The following CWF19L2 variants were observed in gnomAD, a reference collection of about 807,000 sequenced individuals.
The protein encoded by CWF19L2 is CWF19-like protein 2.
A neutral mutation model predicts 111.7 loss-of-function variants in CWF19L2; 98 were observed. That is an observed-to-expected ratio of 0.88 (90% CI 0.75 to 1.04). The LOEUF (loss-of-function observed/expected upper bound fraction) is 1.04. Among genes scored for constraint, CWF19L2 ranks in the 50% least tolerant of loss-of-function variants. The pLI is 0.00. For synonymous variants in CWF19L2, 351 were observed against 342.9 expected (o/e 1.02, Z -0.26); for missense variants, 1,101 against 1,051.4 (o/e 1.05, Z -0.65).
rs773881752 is a variant in CWF19L2 at position 107,390,051 on chromosome 11, G to A, written c.1872+23C>T. 5 of 1,603,910 alleles carry A rather than the reference G, an allele frequency of 3.1e-6. No individual in the cohort carries two copies. The African/African-American group carries it at 6.7e-5, about 22-fold the overall frequency. ...AATAATCAGCTTCTCAAAATTCAGA[G>A]GTATCCTAGGAATATATCTTACCTT... On this transcript the variant is annotated intron_variant, in intron 12 of 17. Transcript: ENST00000282251.
chr11:107,417,585 A>G (rs995287582), intron 9 of CWF19L2, among the ~76,000 whole-genome samples: 1 of 152,242 alleles, frequency 6.6e-6, no homozygotes, highest in Non-Finnish European at 1.5e-5. Flanking sequence ...TGACATCTTT[A>G]TCTCCCTTAA....
intron 12 of CWF19L2, among the ~76,000 whole-genome samples, chr11:107,358,508 A>G (rs1406421451): frequency 6.6e-6 from 1 of 152,230 alleles, no homozygotes; most frequent in Non-Finnish European, 1.5e-5. Flanking sequence ...ATGTAGTATT[A>G]TTTAGCCATA....
chr11:107,428,719 T>A (rs1435685629), intron 8 of CWF19L2, 80 bp downstream of exon 8: 1 of 1,096,350 alleles, frequency 9.1e-7, no homozygotes, highest in Non-Finnish European at 1.3e-6. Flanking sequence ...TCACAGCTAA[T>A]AACTGATGTT....
chr11:107,436,802 A>C (rs1861547154), intron 6 of CWF19L2, among the ~76,000 whole-genome samples: 1 of 152,222 alleles, frequency 6.6e-6, no homozygotes, highest in Non-Finnish European at 1.5e-5. Context: ...CCTGGGTTCT[A>C]GTACTACTAA....
chr11:107,353,690 A>C lies in CWF19L2; in HGVS notation c.1919T>G (p.Phe640Cys), dbSNP rs765870282. ...DGDYYTLDDMFVSKAAERERL... is the reference protein window; with the variant it reads ...DGDYYTLDDMCVSKAAERERL... ...TTCTCTCTCAGCTGCTTTGGAGACA[A>C]ACATGTCATCCAGGGTGTAATAGTC... is the stretch of plus-strand genomic sequence containing the variant. Residue 640 changes from phenylalanine to cysteine, a missense_variant, in exon 13 of 18, where the codon TTT (phenylalanine) becomes TGT (cysteine). By Grantham distance (205) the Phe-to-Cys change is radical. Coordinates refer to ENST00000282251, the MANE Select transcript of CWF19L2 (RefSeq NM_152434.3). 4 of 1,613,772 alleles carry C rather than the reference A, an allele frequency of 2.5e-6. No homozygotes were observed. The highest frequency in any genetic ancestry group is 3.4e-6 in the Non-Finnish European group (4 of 1,179,768).
In CWF19L2 at chr11:107,370,048, T is replaced by A. The variant is rs1306851311; in HGVS notation, c.1873-16312A>T. 1.5e-5 allele frequency among the ~76,000 whole-genome samples: 2 copies of A among 137,590 alleles called. 1 individual carries two copies. The highest frequency in any genetic ancestry group is 3.1e-5 in the Non-Finnish European group (2 of 64,200). The allele number at this position is 137,590 out of a possible 152,430, so 90.3% of individuals were successfully genotyped here. A position where few individuals can be genotyped will look rare whatever the true frequency, so the allele number is the denominator to read the frequency against. On this transcript the variant is annotated intron_variant, in intron 12 of 17. Transcript: ENST00000282251. The stretch of plus-strand genomic sequence containing the variant: ...TATTGACATAACTACCAAATAAGCA[T>A]CCAACAAAGTCAACAGTCCTTTGAC...
intron 4 of CWF19L2, among the ~76,000 whole-genome samples, chr11:107,442,189 G>A (rs1461884094): frequency 1.3e-5 from 2 of 152,130 alleles, no homozygotes; most frequent in Non-Finnish European, 2.9e-5. Context: ...AAGCCTCTAA[G>A]GAACGAGAAT....
chr11:107,434,717 A>G (rs1285321144), intron 6 of CWF19L2, among the ~76,000 whole-genome samples: 1 of 151,656 alleles, frequency 6.6e-6, no homozygotes, highest in Admixed American at 6.6e-5. Context: ...ATACAACAAT[A>G]TGGATGAATC....
At chr11:107,392,424 A>G (rs503045) in intron 11 of CWF19L2, among the ~76,000 whole-genome samples, 81,797 of 151,988 alleles carry the variant, frequency 0.54, 23,080 homozygotes, top group African/African-American at 0.72. Context: ...CCAGGTCTCA[A>G]GTTAGCTGTC....
intron 12 of CWF19L2, among the ~76,000 whole-genome samples, chr11:107,359,927 G>A (rs1860298223): frequency 6.6e-6 from 1 of 152,226 alleles, no homozygotes; most frequent in South Asian, 2.1e-4. Context: ...AATTGGATTG[G>A]ACTACACAAC....
At chr11:107,421,945 C>T (rs1461099092) in intron 8 of CWF19L2, among the ~76,000 whole-genome samples, 4 of 152,002 alleles carry the variant, frequency 2.6e-5, no homozygotes, top group African/African-American at 9.7e-5. Context: ...ATAGCCAAAA[C>T]GTGGAAACAA....
At chr11:107,340,515 TA>T (rs1455508903) in intron 14 of CWF19L2, among the ~76,000 whole-genome samples, 5 of 152,218 alleles carry the variant, frequency 3.3e-5, no homozygotes, top group African/African-American at 7.2e-5. Flanking sequence ...TTGGTTTAAT[TA>T]ATCTATATGT....
intron 12 of CWF19L2, among the ~76,000 whole-genome samples, chr11:107,385,154 T>C (rs1860746412): frequency 6.6e-6 from 1 of 152,108 alleles, no homozygotes. Flanking sequence ...TCATTAAACA[T>C]ACAAAACAAA....
chr11:107,430,074 A>G (rs1183116077), intron 7 of CWF19L2, among the ~76,000 whole-genome samples: 2 of 152,084 alleles, frequency 1.3e-5, no homozygotes, highest in East Asian at 3.8e-4. Flanking sequence ...TGATGGGAAT[A>G]GAGCATTAAT....
chr11:107,334,809 A>T (rs1859897929), intron 16 of CWF19L2, 72 bp downstream of exon 16: 2 of 974,228 alleles, frequency 2.1e-6, no homozygotes, highest in African/African-American at 3.3e-5. Context: ...CCCTTTGTCA[A>T]CTAAGACATG....
chr11:107,422,821 A>G (rs1861320229), intron 8 of CWF19L2, among the ~76,000 whole-genome samples: 1 of 151,940 alleles, frequency 6.6e-6, no homozygotes, highest in South Asian at 2.1e-4. Flanking sequence ...TTCTTCTGGG[A>G]GGGGAATCTT....
chr11:107,403,812 C>T (rs1861041290), intron 10 of CWF19L2: 4 of 851,878 alleles, frequency 4.7e-6, no homozygotes, highest in Middle Eastern at 4.5e-4. Context: ...ACTGTCAGAC[C>T]GCACAACCTT....
rs141344226 is a variant in CWF19L2 at position 107,404,561 on chromosome 11, GGT to G, written c.1617+11646_1617+11647del. 4.4e-3 allele frequency: 2,866 copies of G among 656,720 alleles called. 45 individuals are homozygous for G. In the African/African-American group the frequency reaches 0.044, roughly 10 times the overall value. 40.7% of individuals were successfully genotyped at this position (656,720 alleles called of 1,614,324 possible). A position where few individuals can be genotyped will look rare whatever the true frequency, so the allele number is the denominator to read the frequency against. ...TTGTGTTGCAGGAGCTGGGGTGGGA[GGT>G]GGGGCATAAGATGGTCTTTCCACAG... On this transcript the variant is annotated intron_variant, in intron 10 of 17. Coordinates refer to ENST00000282251, the MANE Select transcript of CWF19L2 (RefSeq NM_152434.3).
chr11:107,419,536 A>G (rs763260587), intron 8 of CWF19L2, among the ~76,000 whole-genome samples: 4 of 152,178 alleles, frequency 2.6e-5, no homozygotes, highest in Admixed American at 2.0e-4. Flanking sequence ...ACAGATGTAA[A>G]AAACAGCAGA....
Sources: gnomAD v4.1 joint callset for allele counts (sites outside exome capture counted in the v4.1 genomes callset) on GRCh38, gnomAD v4.1.1 for gene constraint, MANE v1.5 for transcripts, NCBI Gene and HGNC (gene_info 2026-07-23, HGNC 2026-07-21) for gene names.